The following CACNA1C variants were observed in gnomAD, a reference collection of about 807,000 sequenced individuals.
CACNA1C encodes the protein voltage-dependent L-type calcium channel subunit alpha-1C.
Under a neutral mutation model 229.0 loss-of-function variants are expected in CACNA1C, and 30 were observed. The ratio of observed to expected loss-of-function variants is 0.13; its 90% CI spans 0.10 to 0.18. The LOEUF (loss-of-function observed/expected upper bound fraction) is 0.18, where lower values mean the gene tolerates loss of function less well. CACNA1C is among the 10% of genes least tolerant of loss of function. The pLI is 1.00. For missense variants in CACNA1C, 1,658 were observed against 2,845.0 expected, an observed-to-expected ratio of 0.58 and a Z score of 9.49; for synonymous variants, 1,114 against 1,132.5, an observed-to-expected ratio of 0.98 and a Z score of 0.33.
At chr12:2,164,922 G>A (rs1445453526) in intron 3 of CACNA1C, among the ~76,000 whole-genome samples, 1 of 152,210 alleles carries the variant, frequency 6.6e-6, no homozygotes, top group Non-Finnish European at 1.5e-5. Context: ...AAGAAGCAGA[G>A]GGGTGTGTTT....
intron 9 of CACNA1C, among the ~76,000 whole-genome samples, chr12:2,514,344 A>G (rs1474406103): frequency 6.6e-6 from 1 of 152,252 alleles, no homozygotes; most frequent in African/African-American, 2.4e-5. Context: ...AGGAGCAAAT[A>G]CAAAATTAAA....
intron 13 of CACNA1C, among the ~76,000 whole-genome samples, chr12:2,580,182 A>G (rs61090329): frequency 0.024 from 3,587 of 152,344 alleles, 145 homozygotes; most frequent in African/African-American, 0.081. Context: ...AGATACAAAT[A>G]GATGTATATT....
At chr12:2,158,057 A>G (rs1258535798) in intron 3 of CACNA1C, among the ~76,000 whole-genome samples, 1 of 152,216 alleles carries the variant, frequency 6.6e-6, no homozygotes, top group African/African-American at 2.4e-5. Flanking sequence ...ACCATTAGAC[A>G]GTCCAGGAAG....
intron 3 of CACNA1C, among the ~76,000 whole-genome samples, chr12:2,195,149 G>A (rs1428747040): frequency 6.6e-6 from 1 of 152,202 alleles, no homozygotes; most frequent in East Asian, 1.9e-4. Context: ...GCCGTGCCTG[G>A]CACCTTGCTA....
chr12:2,154,322 C>T (rs774642038), intron 3 of CACNA1C, among the ~76,000 whole-genome samples: 43 of 152,140 alleles, frequency 2.8e-4, no homozygotes, highest in Non-Finnish European at 4.9e-4. Context: ...AAAGAGTGGG[C>T]GGTCAGAAAA....
chr12:2,572,696 T>TCCTGTTCCTC (rs2056434754), intron 13 of CACNA1C, among the ~76,000 whole-genome samples: 1 of 42,290 alleles, frequency 2.4e-5, no homozygotes, highest in Non-Finnish European at 4.8e-5. Flanking sequence ...TCTTCCTCCT[T>TCCTGTTCCTC]CTCCTCTTCC....
intron 13 of CACNA1C, among the ~76,000 whole-genome samples, chr12:2,573,288 T>C (rs562680974): frequency 6.6e-6 from 1 of 152,264 alleles, no homozygotes; most frequent in Admixed American, 6.5e-5. Context: ...ACTTAAGAGA[T>C]CCTCTCACTT....
At chr12:2,119,986 G>C (rs148433057) in intron 2 of CACNA1C, among the ~76,000 whole-genome samples, 36 of 152,374 alleles carry the variant, frequency 2.4e-4, no homozygotes, top group African/African-American at 8.7e-4. Context: ...GCTTGGCGCA[G>C]GCCATGCTCT....
intron 3 of CACNA1C, among the ~76,000 whole-genome samples, chr12:2,245,126 C>T (rs532634686): frequency 1.4e-4 from 21 of 152,276 alleles, no homozygotes; most frequent in Admixed American, 6.5e-4. Context: ...GTGGAGGGGC[C>T]GCGCTGATCG....
chr12:1,998,965 ACAG>A (rs1268970020), intron 1 of CACNA1C, among the ~76,000 whole-genome samples: 1 of 152,240 alleles, frequency 6.6e-6, no homozygotes. Context: ...TAATGTCAAA[ACAG>A]CAGTTTTTAA....
At chr12:2,139,689 C>A (rs2093945410) in intron 3 of CACNA1C, among the ~76,000 whole-genome samples, 1 of 151,242 alleles carries the variant, frequency 6.6e-6, no homozygotes, top group African/African-American at 2.4e-5. Context: ...CAGAGGAGAT[C>A]TCTTGCGCCC....
At chr12:2,167,553 TG>T (rs1215457225) in intron 3 of CACNA1C, among the ~76,000 whole-genome samples, 1 of 152,212 alleles carries the variant, frequency 6.6e-6, no homozygotes, top group African/African-American at 2.4e-5. Context: ...ATCTCCTCCA[TG>T]GGGGGCAGAA....
intron 30 of CACNA1C, chr12:2,641,558 A>G: frequency 1.7e-6 from 1 of 600,808 alleles, no homozygotes; most frequent in Non-Finnish European, 3.0e-6. Flanking sequence ...AGTCCCTTCC[A>G]GCTTCTTCCC....
intron 3 of CACNA1C, among the ~76,000 whole-genome samples, chr12:2,338,674 G>A (rs2096773541): frequency 6.6e-6 from 1 of 152,160 alleles, no homozygotes; most frequent in Non-Finnish European, 1.5e-5. Context: ...GGGTAACTTT[G>A]GAGCAGCGAG....
chr12:2,258,423 G>T (rs553040240), intron 3 of CACNA1C, among the ~76,000 whole-genome samples: 2 of 149,716 alleles, frequency 1.3e-5, no homozygotes, highest in African/African-American at 4.9e-5. Context: ...TTTTCCTCAA[G>T]TTTTTTTTTT....
chr12:2,321,222 G>T (rs958694578), intron 3 of CACNA1C, among the ~76,000 whole-genome samples: 6 of 151,924 alleles, frequency 3.9e-5, no homozygotes, highest in Admixed American at 1.3e-4. Flanking sequence ...GTGGTCGTTG[G>T]GGGGGTGGGG....
intron 3 of CACNA1C, among the ~76,000 whole-genome samples, chr12:2,437,852 A>ATGGTGGTGATGG (rs1214959811): frequency 4.7e-5 from 5 of 106,430 alleles, no homozygotes; most frequent in South Asian, 3.6e-4. Flanking sequence ...GGTGGTGATG[A>ATGGTGGTGATGG]TGGTGGTGAT....
intron 3 of CACNA1C, among the ~76,000 whole-genome samples, chr12:2,425,829 G>A (rs1172708674): frequency 6.6e-6 from 1 of 152,304 alleles, no homozygotes; most frequent in East Asian, 1.9e-4. Flanking sequence ...TGGGACAAAT[G>A]AAAGGTCACA....
rs1288816538 is a variant in CACNA1C, at chr12:2,053,901, G to A, written c.49+290G>A. On this transcript the variant is annotated intron_variant, in intron 1 of 46. Coordinates refer to ENST00000399655, the MANE Select transcript of CACNA1C (RefSeq NM_000719.7). The surrounding 1 kb of genome is among the most constrained non-coding windows in gnomAD (Gnocchi z 5.8). ...AGGCGAGGGGGGAAAAGTTCCCCAA[G>A]TGGCTGCCGCCGCCTCGCTTTCTCG... is the stretch of plus-strand genomic sequence containing the variant. 6.8e-6 allele frequency among the ~76,000 whole-genome samples: 1 copy of A among 147,790 alleles called. No individual in the cohort carries two copies. Among genetic ancestry groups the A allele is most frequent in the Non-Finnish European group, 1.5e-5 (1 of 66,614 alleles).
Sources: allele counts gnomAD v4.1 joint callset (sites outside exome capture counted in the v4.1 genomes callset), GRCh38; gene constraint gnomAD v4.1.1; non-coding constraint Gnocchi (gnomAD v3.1); transcripts MANE v1.5; gene names NCBI Gene and HGNC (gene_info 2026-07-23, HGNC 2026-07-21).